The following CDH13 variants were observed in gnomAD, a reference collection of about 807,000 sequenced individuals.
CDH13 encodes the protein cadherin-13.
Under a neutral mutation model 63.8 loss-of-function variants are expected in CDH13, and 24 were observed. The observed-to-expected ratio is 0.38, with a 90% confidence interval of 0.27 to 0.53. The LOEUF (loss-of-function observed/expected upper bound fraction) is 0.53. Among genes scored for constraint, CDH13 ranks in the 20% least tolerant of loss-of-function variants. CDH13 has a pLI of 0.85. For synonymous variants in CDH13, 503 were observed against 355.3 expected (o/e 1.42, Z -4.67); for missense variants, 1,049 against 903.1 (o/e 1.16, Z -2.07).
chr16:83,325,892 CACTT>C (rs946354897), intron 5 of CDH13, among the ~76,000 whole-genome samples: 2 of 152,152 alleles, frequency 1.3e-5, no homozygotes, highest in Non-Finnish European at 1.5e-5. Flanking sequence ...AATATGGACT[CACTT>C]ACAGAACGAA....
chr16:82,896,932 C>A (rs965085530), intron 2 of CDH13, among the ~76,000 whole-genome samples: 2 of 151,786 alleles, frequency 1.3e-5, no homozygotes, highest in African/African-American at 4.8e-5. Flanking sequence ...AGGTGCCCGC[C>A]ATCACGCCCA....
intron 1 of CDH13, among the ~76,000 whole-genome samples, chr16:82,801,099 A>G (rs1187640369): frequency 6.6e-6 from 1 of 152,182 alleles, no homozygotes; most frequent in Non-Finnish European, 1.5e-5. Context: ...TAGACTCTAG[A>G]AAATGTTGGG....
intron 3 of CDH13, among the ~76,000 whole-genome samples, chr16:83,048,128 A>C (rs1179228799): frequency 6.6e-6 from 1 of 152,186 alleles, no homozygotes; most frequent in Non-Finnish European, 1.5e-5. Flanking sequence ...TGATTTCCGC[A>C]TGCAGAAATC....
intron 1 of CDH13, among the ~76,000 whole-genome samples, chr16:82,731,250 T>G (rs763084387): frequency 6.6e-6 from 1 of 152,176 alleles, no homozygotes; most frequent in Non-Finnish European, 1.5e-5. Flanking sequence ...TCTGTTGCAA[T>G]TACTCAACCC....
chr16:83,091,500 C>T (rs2033910028), intron 3 of CDH13, among the ~76,000 whole-genome samples: 1 of 152,186 alleles, frequency 6.6e-6, no homozygotes, highest in Non-Finnish European at 1.5e-5. Flanking sequence ...ACATTAATTT[C>T]AGTTCCTTAC....
At chr16:83,709,933 CATT>C (rs1324634112) in intron 10 of CDH13, among the ~76,000 whole-genome samples, 1 of 152,136 alleles carries the variant, frequency 6.6e-6, no homozygotes, top group East Asian at 1.9e-4. Flanking sequence ...ATTTAAGAAA[CATT>C]ATTCATTCCT....
chr16:82,940,739 G>T (rs913216155), intron 2 of CDH13, among the ~76,000 whole-genome samples: 3 of 152,090 alleles, frequency 2.0e-5, no homozygotes, highest in Non-Finnish European at 2.9e-5. Flanking sequence ...GGCACATACA[G>T]GCCCTATTCC....
At chr16:83,681,543 C>T (rs1348347892) in intron 10 of CDH13, among the ~76,000 whole-genome samples, 1 of 152,178 alleles carries the variant, frequency 6.6e-6, no homozygotes, top group Admixed American at 6.5e-5. Flanking sequence ...TGGACACCCC[C>T]TTTCCCCTCC....
chr16:82,663,658 G>A (rs1418226781), intron 1 of CDH13, among the ~76,000 whole-genome samples: 1 of 152,168 alleles, frequency 6.6e-6, no homozygotes, highest in Non-Finnish European at 1.5e-5. Flanking sequence ...CTCTTGTGAA[G>A]ATCCCTTGTA....
Position 83,031,266 on chromosome 16 carries a change from A to G in CDH13, c.158-744A>G, listed in dbSNP as rs532298769. On this transcript the variant is annotated intron_variant, in intron 2 of 13. Transcript: ENST00000567109. ...ACATGCGCATGTATACACCATATAC[A>G]TGCGCATGTATACACCATATACATG... Among the ~76,000 whole-genome samples, 72 of 145,916 alleles carry G rather than the reference A, an allele frequency of 4.9e-4. 3 individuals carry two copies. Among genetic ancestry groups the G allele is most frequent in the African/African-American group, 1.8e-3 (70 of 39,684 alleles).
intron 2 of CDH13, among the ~76,000 whole-genome samples, chr16:83,000,567 C>CTT (rs1286911784): frequency 0.024 from 3,341 of 138,182 alleles, 52 homozygotes; most frequent in Non-Finnish European, 0.033. Context: ...TCTCTTTTTT[C>CTT]TTTTCTCTTT....
chr16:83,730,000 G>C (rs1910861606), intron 10 of CDH13, among the ~76,000 whole-genome samples: 1 of 152,192 alleles, frequency 6.6e-6, no homozygotes, highest in African/African-American at 2.4e-5. Context: ...CCACATGTTT[G>C]CATGTGGACC....
At chr16:83,645,060 C>T (rs1911664776) in intron 8 of CDH13, among the ~76,000 whole-genome samples, 2 of 152,188 alleles carry the variant, frequency 1.3e-5, no homozygotes, top group African/African-American at 4.8e-5. Context: ...ATCCTCTAAC[C>T]ACCCTGAGCT....
intron 1 of CDH13, among the ~76,000 whole-genome samples, chr16:82,707,198 C>T (rs1206473771): frequency 6.6e-6 from 1 of 152,196 alleles, no homozygotes; most frequent in South Asian, 2.1e-4. Flanking sequence ...ACACCAATTC[C>T]ATGCTTGATT....
rs1904293708 is a variant in CDH13 at position 83,798,411 on chromosome 16, A to G, written c.*3381A>G. 6.6e-6 allele frequency: 1 copy of G among 152,204 alleles called. No individual in the cohort carries two copies. The highest frequency in any genetic ancestry group is 6.5e-5 in the Admixed American group (1 of 15,274). The allele number at this position is 152,204 out of a possible 1,614,324, so 9.4% of individuals were successfully genotyped here. ...ATTAATAATTATAATAATGGTTTAT[A>G]TTTATCAACTGCTTATTATGTGCCC... is the stretch of plus-strand genomic sequence containing the variant. On this transcript the variant is annotated 3_prime_UTR_variant, in exon 14 of 14. Coordinates refer to ENST00000567109, the MANE Select transcript of CDH13 (RefSeq NM_001257.5).
chr16:83,060,849 C>G (rs1413412180), intron 3 of CDH13, among the ~76,000 whole-genome samples: 1 of 152,174 alleles, frequency 6.6e-6, no homozygotes, highest in Non-Finnish European at 1.5e-5. Flanking sequence ...CCACTGCCTT[C>G]CACAGCCTCT....
At chr16:83,644,925 C>T (rs1347157438) in intron 8 of CDH13, among the ~76,000 whole-genome samples, 1 of 152,208 alleles carries the variant, frequency 6.6e-6, no homozygotes. Context: ...AATCCAGGGG[C>T]TAATGATCAG....
intron 7 of CDH13, among the ~76,000 whole-genome samples, chr16:83,521,021 A>G (rs553579833): frequency 1.2e-4 from 19 of 152,206 alleles, no homozygotes; most frequent in African/African-American, 3.4e-4. Context: ...AATGTCTGCT[A>G]TTTCTAACAT....
At chr16:83,237,838 A>C (rs11860907) in intron 5 of CDH13, among the ~76,000 whole-genome samples, 61,223 of 152,116 alleles carry the variant, frequency 0.4, 12,569 homozygotes, top group African/African-American at 0.47. Flanking sequence ...AACTGGGCAA[A>C]TAATAAATAC....
Sources: allele counts gnomAD v4.1 joint callset (sites outside exome capture counted in the v4.1 genomes callset), GRCh38; gene constraint gnomAD v4.1.1; transcripts MANE v1.5; gene names NCBI Gene and HGNC (gene_info 2026-07-23, HGNC 2026-07-21).